GPHN: variants seen among roughly 807,000 people sequenced by gnomAD.
The protein encoded by GPHN is gephyrin.
In GPHN, 17 loss-of-function variants were observed where a neutral mutation model predicts 95.5. That is an observed-to-expected ratio of 0.18 (90% CI 0.12 to 0.27). GPHN has a LOEUF of 0.27. GPHN is among the 10% of genes least tolerant of loss of function. The pLI, the probability that GPHN is intolerant of heterozygous loss-of-function variation, is 1.00. For synonymous variants in GPHN, 320 were observed against 322.5 expected (o/e 0.99, Z 0.08); for missense variants, 660 against 978.1 (o/e 0.67, Z 4.34).
At chr14:67,189,791 G>A in the GPHN span, 1 of 150,236 alleles carries the variant, frequency 6.7e-6, no homozygotes, top group African/African-American at 2.4e-5. Context: ...TAATTTCATT[G>A]AGAGTTTGAG....
chr14:67,499,110 T>C, the GPHN span, among the ~76,000 whole-genome samples: 75 of 152,234 alleles, frequency 4.9e-4, 1 homozygote, highest in Middle Eastern at 0.02. Context: ...TCAAGCAATC[T>C]TCCTGCCTTA....
chr14:67,422,124 C>T, the GPHN span, among the ~76,000 whole-genome samples: 2 of 152,140 alleles, frequency 1.3e-5, no homozygotes, highest in African/African-American at 4.8e-5. Flanking sequence ...CAATCCTTCA[C>T]CATCTGGCCT....
the GPHN span, among the ~76,000 whole-genome samples, chr14:67,607,801 T>A: frequency 6.6e-6 from 1 of 152,196 alleles, no homozygotes; most frequent in African/African-American, 2.4e-5. Flanking sequence ...GACAATAGAC[T>A]TTAATAGAAG....
At chr14:67,388,114 G>C in the GPHN span, 10 of 690,760 alleles carry the variant, frequency 1.4e-5, no homozygotes, top group South Asian at 8.3e-5. Flanking sequence ...CTGTCTCATG[G>C]AGAAAGCCCT....
chr14:67,554,678 C>T, the GPHN span, among the ~76,000 whole-genome samples: 1 of 152,176 alleles, frequency 6.6e-6, no homozygotes, highest in Non-Finnish European at 1.5e-5. Flanking sequence ...GAGCTGACAT[C>T]TAACGCACAC....
the GPHN span, among the ~76,000 whole-genome samples, chr14:67,481,331 A>G: frequency 1.1e-4 from 16 of 152,166 alleles, no homozygotes; most frequent in African/African-American, 3.9e-4. Context: ...TGGGGGAGAG[A>G]GAAATATGGT....
the GPHN span, among the ~76,000 whole-genome samples, chr14:67,465,979 C>T: frequency 6.6e-6 from 1 of 152,134 alleles, no homozygotes; most frequent in African/African-American, 2.4e-5. Flanking sequence ...CCAGATCCTC[C>T]CCTAAAGCCT....
At chr14:67,615,936 G>A in the GPHN span, 103 of 493,568 alleles carry the variant, frequency 2.1e-4, no homozygotes, top group East Asian at 3.7e-3. Flanking sequence ...AAAGCTGAAG[G>A]AAAAATACAG....
chr14:67,370,334 A>G, the GPHN span, among the ~76,000 whole-genome samples: 1 of 152,254 alleles, frequency 6.6e-6, no homozygotes, highest in East Asian at 1.9e-4. Context: ...TCCCAACACA[A>G]AGTAAGTAGA....
intron 2 of GPHN, among the ~76,000 whole-genome samples, chr14:66,730,106 G>A (rs1363956935): frequency 8.5e-5 from 13 of 152,214 alleles, no homozygotes; most frequent in African/African-American, 3.1e-4. Context: ...GTCAAAGTTA[G>A]ATTCATTTAG....
the GPHN span, among the ~76,000 whole-genome samples, chr14:67,638,825 T>C: frequency 7.2e-5 from 11 of 152,228 alleles, no homozygotes; most frequent in Non-Finnish European, 1.6e-4. Flanking sequence ...CTAACCATGC[T>C]GGATCAACCA....
At chr14:67,177,188 C>A (rs907951798) in intron 21 of GPHN, among the ~76,000 whole-genome samples, 1 of 152,202 alleles carries the variant, frequency 6.6e-6, no homozygotes, top group African/African-American at 2.4e-5. Flanking sequence ...GATTTTAGAT[C>A]TTTCCTGCTT....
At chr14:67,674,142 G>A in the GPHN span, among the ~76,000 whole-genome samples, 1 of 152,194 alleles carries the variant, frequency 6.6e-6, no homozygotes, top group African/African-American at 2.4e-5. Context: ...AGTGAAAAAA[G>A]ATGAGAAAAT....
the GPHN span, among the ~76,000 whole-genome samples, chr14:67,713,267 A>AAAAAC: frequency 1.3e-5 from 2 of 151,484 alleles, no homozygotes; most frequent in Non-Finnish European, 2.9e-5. Context: ...CAAACAAACA[A>AAAAAC]AAAACAAAAC....
chr14:66,599,299 A>T (rs1335695876), intron 1 of GPHN, among the ~76,000 whole-genome samples: 1 of 147,800 alleles, frequency 6.8e-6, no homozygotes, highest in African/African-American at 2.6e-5. Flanking sequence ...ATTTTGAGGG[A>T]TTTTATTTAC....
intron 7 of GPHN, 73 bp from the exon 8 acceptor site, chr14:66,924,121 T>G: frequency 1.2e-6 from 1 of 843,092 alleles, no homozygotes; most frequent in Non-Finnish European, 2.1e-6. Flanking sequence ...TTTTTTCCTT[T>G]TTAGTCATTT....
the GPHN span, among the ~76,000 whole-genome samples, chr14:67,609,227 T>G: frequency 6.6e-6 from 1 of 152,234 alleles, no homozygotes; most frequent in Non-Finnish European, 1.5e-5. Context: ...CTGTGACATC[T>G]GTGCCACTTG....
chr14:67,056,834 G>A (rs1423553809), intron 10 of GPHN, among the ~76,000 whole-genome samples: 2 of 152,174 alleles, frequency 1.3e-5, no homozygotes, highest in Non-Finnish European at 2.9e-5. Flanking sequence ...CTCAGGCATG[G>A]CGGGCTGCAG....
the GPHN span, chr14:67,365,150 A>G: frequency 1.1e-6 from 1 of 889,134 alleles, no homozygotes; most frequent in African/African-American, 1.7e-5. Flanking sequence ...AGTTGTTAGA[A>G]AAGGATGCCA....
Sources: gnomAD v4.1 joint callset for allele counts (sites outside exome capture counted in the v4.1 genomes callset) on GRCh38, gnomAD v4.1.1 for gene constraint, MANE v1.5 for transcripts, NCBI Gene and HGNC (gene_info 2026-07-23, HGNC 2026-07-21) for gene names.